C2orf76: variants seen among roughly 807,000 people sequenced by gnomAD.
The protein encoded by C2orf76 is chromosome 2 open reading frame 76.
A neutral mutation model predicts 16.9 loss-of-function variants in C2orf76; 23 were observed. The ratio of observed to expected loss-of-function variants is 1.36; its 90% CI spans 0.98 to 1.93. The LOEUF (loss-of-function observed/expected upper bound fraction) is 1.93. Ranked by LOEUF, C2orf76 falls within the 30% of genes most tolerant of loss-of-function variation. The pLI is 0.00. For missense variants in C2orf76, 152 were observed against 152.6 expected (o/e 1.00, Z 0.02); for synonymous variants, 48 against 52.3 (o/e 0.92, Z 0.35).
At chr2:119,292,809 C>T in the C2orf76 span, among the ~76,000 whole-genome samples, 13 of 152,214 alleles carry the variant, frequency 8.5e-5, no homozygotes, top group East Asian at 9.7e-4. Flanking sequence ...CTAAGGCAGG[C>T]GGATCACCTG....
At chr2:119,319,139 T>C (rs1679267600) in intron 3 of C2orf76, among the ~76,000 whole-genome samples, 1 of 152,156 alleles carries the variant, frequency 6.6e-6, no homozygotes, top group Non-Finnish European at 1.5e-5. Context: ...AACTATAGTC[T>C]GACCTTACTA....
At chr2:119,294,187 C>T in the C2orf76 span, among the ~76,000 whole-genome samples, 3 of 151,954 alleles carry the variant, frequency 2.0e-5, no homozygotes, top group East Asian at 3.9e-4. Context: ...TGAAGCCAAG[C>T]GAAGCAAGTG....
At chr2:119,285,870 C>G in the C2orf76 span, among the ~76,000 whole-genome samples, 1 of 152,074 alleles carries the variant, frequency 6.6e-6, no homozygotes, top group Non-Finnish European at 1.5e-5. Flanking sequence ...CATGGAGATG[C>G]AAGAGTAAGC....
rs1679330699 is a variant in C2orf76 at position 119,321,207 on chromosome 2, A to G, written c.134-3T>C. 1 of 1,357,374 alleles carries G rather than the reference A, an allele frequency of 7.4e-7. No individual in the cohort carries two copies. The highest frequency in any genetic ancestry group is 1.0e-6 in the Non-Finnish European group (1 of 983,768). 84.1% of individuals were successfully genotyped at this position (1,357,374 alleles called of 1,614,324 possible). On this transcript the variant is annotated splice_region_variant and splice_polypyrimidine_tract_variant and intron_variant, in intron 2 of 5. Coordinates refer to ENST00000334816, the MANE Select transcript of C2orf76 (RefSeq NM_001322331.2). ...CAGGTTGGTCCTTAAAGGGATATCTACAAGAGAAAGATTATTTTTTTACAC... is the reference window on the plus strand; with the variant it reads ...CAGGTTGGTCCTTAAAGGGATATCTGCAAGAGAAAGATTATTTTTTTACAC...
chr2:119,337,066 T>G (rs1679872274), intron 2 of C2orf76, among the ~76,000 whole-genome samples: 1 of 150,302 alleles, frequency 6.7e-6, no homozygotes, highest in Admixed American at 6.6e-5. Context: ...TTTATTTATT[T>G]ATTTTTTGAG....
chr2:119,308,999 C>T (rs1678887890), intron 5 of C2orf76, among the ~76,000 whole-genome samples: 1 of 152,184 alleles, frequency 6.6e-6, no homozygotes, highest in African/African-American at 2.4e-5. Context: ...TGCTGCTGTC[C>T]AAGGTCACCC....
At chr2:119,289,977 A>T in the C2orf76 span, among the ~76,000 whole-genome samples, 1 of 151,912 alleles carries the variant, frequency 6.6e-6, no homozygotes, top group Non-Finnish European at 1.5e-5. Flanking sequence ...CCTAGAAACA[A>T]ACATAGGGTT....
intron 1 of C2orf76, among the ~76,000 whole-genome samples, chr2:119,355,390 T>C (rs1180435621): frequency 6.6e-6 from 1 of 152,206 alleles, no homozygotes; most frequent in Non-Finnish European, 1.5e-5. Context: ...AGACAGTATC[T>C]CCCACCAGAC....
chr2:119,341,484 C>G (rs1372315420), intron 1 of C2orf76, among the ~76,000 whole-genome samples: 4 of 152,338 alleles, frequency 2.6e-5, no homozygotes, highest in Admixed American at 6.5e-5. Context: ...CACAGATACA[C>G]AGTATGGTTA....
At position 119,357,566 on chromosome 2, in the gene C2orf76, A is replaced by G. The variant is rs116719611; in HGVS notation, c.-13+9224T>C. On this transcript the variant is annotated intron_variant, in intron 1 of 5. Transcript: ENST00000334816. ...AACAAGAAAAGAGGGGAACATCTCA[A>G]TTTGATAAAGAGCATCTACAAAAAA... Among the ~76,000 whole-genome samples the G allele has an allele frequency of 3.7e-3, 557 of 150,806 alleles. 4 individuals are homozygous for G. The highest frequency in any genetic ancestry group is 9.5e-3 in the African/African-American group (390 of 41,076).
intron 2 of C2orf76, among the ~76,000 whole-genome samples, chr2:119,330,189 C>A (rs140087578): frequency 6.6e-6 from 1 of 152,102 alleles, no homozygotes; most frequent in Non-Finnish European, 1.5e-5. Context: ...GCCTGGCCAG[C>A]ATGGTGAAAC....
intron 1 of C2orf76, 53 bp downstream of exon 1, chr2:119,366,737 T>A: frequency 1.9e-6 from 1 of 521,748 alleles, no homozygotes; most frequent in Non-Finnish European, 3.4e-6. Flanking sequence ...TGAACCCAAC[T>A]CTCGACCAAC....
At chr2:119,324,932 G>A (rs550380330) in intron 2 of C2orf76, among the ~76,000 whole-genome samples, 1 of 152,138 alleles carries the variant, frequency 6.6e-6, no homozygotes, top group East Asian at 1.9e-4. Context: ...TACAAATAAA[G>A]CTGGGAACAT....
intron 2 of C2orf76, among the ~76,000 whole-genome samples, chr2:119,333,171 T>C (rs951920666): frequency 9.9e-5 from 15 of 152,226 alleles, no homozygotes; most frequent in African/African-American, 3.6e-4. Context: ...AAGGCAATAA[T>C]ACATTATGAC....
intron 1 of C2orf76, among the ~76,000 whole-genome samples, chr2:119,354,073 G>A (rs943550699): frequency 1.3e-5 from 2 of 152,092 alleles, no homozygotes; most frequent in African/African-American, 4.8e-5. Flanking sequence ...TAAATACCCT[G>A]ATTTGCTCAT....
chr2:119,367,045 G>T (rs924637944), upstream of C2orf76: 10 of 1,614,078 alleles, frequency 6.2e-6, no homozygotes, highest in East Asian at 2.2e-5. Context: ...CTTGCAAGTC[G>T]GCCAGGATGT....
At chr2:119,281,266 C>T in the C2orf76 span, among the ~76,000 whole-genome samples, 1 of 152,172 alleles carries the variant, frequency 6.6e-6, no homozygotes, top group Admixed American at 6.5e-5. Flanking sequence ...TGCTCCTCTC[C>T]CTCCTCCCAA....
intron 1 of C2orf76, among the ~76,000 whole-genome samples, chr2:119,347,768 G>A (rs970689759): frequency 2.0e-5 from 3 of 151,984 alleles, no homozygotes; most frequent in Admixed American, 6.6e-5. Context: ...TTTTTATCTT[G>A]AAATAATTGT....
intron 1 of C2orf76, among the ~76,000 whole-genome samples, chr2:119,350,131 GA>G (rs977573349): frequency 1.4e-5 from 2 of 145,814 alleles, no homozygotes; most frequent in African/African-American, 2.6e-5. Flanking sequence ...TTAAAGGGAG[GA>G]AAAAAAACCT....
Sources: allele counts gnomAD v4.1 joint callset (sites outside exome capture counted in the v4.1 genomes callset), GRCh38; gene constraint gnomAD v4.1.1; transcripts MANE v1.5; gene names NCBI Gene and HGNC (gene_info 2026-07-23, HGNC 2026-07-21).